Variants in ERICH1 observed in about 807,000 individuals in gnomAD.
ERICH1 encodes glutamate-rich protein 1.
In ERICH1, 56 loss-of-function variants were observed where a neutral mutation model predicts 39.6. The ratio of observed to expected loss-of-function variants is 1.41; its 90% CI spans 1.14 to 1.77. ERICH1 has a LOEUF of 1.77. ERICH1 is among the 40% of genes most tolerant of loss of function. The pLI is 0.00. For missense variants in ERICH1, 826 were observed against 575.4 expected (o/e 1.44, Z -4.45); for synonymous variants, 313 against 223.6 (o/e 1.40, Z -3.57).
At chr8:620,529 T>C (rs1287145222) in intron 3 of ERICH1, among the ~76,000 whole-genome samples, 2 of 152,150 alleles carry the variant, frequency 1.3e-5, no homozygotes, top group Non-Finnish European at 2.9e-5. Context: ...TGACCTCCTA[T>C]AGAAAAAGTA....
At chr8:617,536 C>T (rs1357115941) in intron 3 of ERICH1, among the ~76,000 whole-genome samples, 1 of 152,066 alleles carries the variant, frequency 6.6e-6, no homozygotes, top group Non-Finnish European at 1.5e-5. Flanking sequence ...TCCTCACTGC[C>T]CTCTGAGTGC....
At chr8:694,771 G>A (rs977127624) in intron 2 of ERICH1, among the ~76,000 whole-genome samples, 4 of 152,192 alleles carry the variant, frequency 2.6e-5, no homozygotes, top group Admixed American at 6.5e-5. Context: ...GGACACTTAC[G>A]CCTTGCACAA....
intron 2 of ERICH1, among the ~76,000 whole-genome samples, chr8:699,675 G>A (rs1277185394): frequency 2.0e-5 from 3 of 150,144 alleles, no homozygotes; most frequent in Non-Finnish European, 2.9e-5. Flanking sequence ...GTACAGACCC[G>A]CACACGTGCA....
At chr8:668,119 G>C (rs1802561488) in intron 5 of ERICH1, 1 of 216,480 alleles carries the variant, frequency 4.6e-6, no homozygotes, top group South Asian at 7.1e-5. Flanking sequence ...ACCGCACACG[G>C]CATTGGGAAG....
intron 3 of ERICH1, among the ~76,000 whole-genome samples, chr8:691,445 G>C (rs1453904158): frequency 6.6e-6 from 1 of 152,258 alleles, no homozygotes; most frequent in East Asian, 1.9e-4. Context: ...TGAGCAGCAT[G>C]GACAACGCGG....
chr8:731,136 C>G lies in ERICH1; in HGVS notation c.22+4G>C. ...GGGCAGGCCTCCGCACCGCACCCAC[C>G]TACCGTGCTTCCTGTGCGCCGCCAT... is the stretch of plus-strand genomic sequence containing the variant. On this transcript the variant is annotated splice_donor_region_variant and intron_variant, in intron 1 of 5. Coordinates refer to ENST00000262109, the MANE Select transcript of ERICH1 (RefSeq NM_207332.3). The G allele has an allele frequency of 1.3e-6, 2 of 1,525,332 alleles. No individual in the cohort carries two copies. The highest frequency in any genetic ancestry group is 1.8e-6 in the Non-Finnish European group (2 of 1,139,058). The allele number at this position is 1,525,332 out of a possible 1,614,324, so 94.5% of individuals were successfully genotyped here.
At chr8:700,498 G>A (rs1281164970) in intron 2 of ERICH1, among the ~76,000 whole-genome samples, 1 of 131,082 alleles carries the variant, frequency 7.6e-6, no homozygotes, top group Non-Finnish European at 1.7e-5. Flanking sequence ...GCCCGCACAC[G>A]CGCACAGGCC....
At chr8:660,022 C>G (rs1488662306), downstream of ERICH1, among the ~76,000 whole-genome samples, 1 of 152,252 alleles carries the variant, frequency 6.6e-6, no homozygotes, top group East Asian at 1.9e-4. Flanking sequence ...AGCCCCTCAT[C>G]AACTCACTGT....
At chr8:615,222 G>C in exon 4 of ERICH1, 1 of 688,676 alleles carries the variant, frequency 1.5e-6, no homozygotes, top group Non-Finnish European at 2.6e-6. Flanking sequence ...ACCACAGCTG[G>C]TTAAGGCAGC....
chr8:693,152 G>C (rs1440744455), intron 2 of ERICH1, among the ~76,000 whole-genome samples: 2 of 151,524 alleles, frequency 1.3e-5, no homozygotes, highest in African/African-American at 4.8e-5. Context: ...AACAGACACA[G>C]AGACACCATG....
Position 673,758 on chromosome 8 carries a change from T to TA in ERICH1, c.593_594insT (p.Glu198AspfsTer10). On this transcript the variant is annotated frameshift_variant, in exon 4 of 6. Transcript: ENST00000262109. LOFTEE classifies it high-confidence loss of function. ...CACAAGCCTCTCCCACGCCTTCCCC[T>TA]TCATTGCTGCTGTCCTCGGGCTGGT... is the stretch of plus-strand genomic sequence containing the variant. 1 of 1,613,978 alleles carries TA rather than the reference T, an allele frequency of 6.2e-7. No homozygotes were observed. The highest frequency in any genetic ancestry group is 8.5e-7 in the Non-Finnish European group (1 of 1,180,012).
chr8:623,687 T>C (rs913357596), intron 3 of ERICH1, among the ~76,000 whole-genome samples: 5 of 152,188 alleles, frequency 3.3e-5, no homozygotes, highest in African/African-American at 9.7e-5. Context: ...CTGGAACAAG[T>C]GGACTTCATG....
At chr8:715,830 G>C in intron 2 of ERICH1, 31 bp downstream of exon 2, 2 of 1,585,246 alleles carry the variant, frequency 1.3e-6, no homozygotes, top group Non-Finnish European at 1.7e-6. Context: ...TTCAGTTTCT[G>C]AGACCCACCC....
chr8:731,047 AGGGGCC>A, intron 1 of ERICH1, 87 bp downstream of exon 1: 1 of 1,305,276 alleles, frequency 7.7e-7, no homozygotes, highest in Non-Finnish European at 9.8e-7. Flanking sequence ...GGGCCTGGAA[AGGGGCC>A]GGGGTCGGGG....
intron 1 of ERICH1, among the ~76,000 whole-genome samples, chr8:724,285 G>A (rs547437836): frequency 6.6e-6 from 1 of 152,094 alleles, no homozygotes; most frequent in Non-Finnish European, 1.5e-5. Context: ...GAACCAGCCC[G>A]GACAACATAG....
intron 3 of ERICH1, among the ~76,000 whole-genome samples, chr8:689,591 G>A (rs1336691597): frequency 6.6e-6 from 1 of 152,194 alleles, no homozygotes; most frequent in Non-Finnish European, 1.5e-5. Context: ...CCAGCACTGT[G>A]TGCCACTGGA....
chr8:726,772 TACACATAC>T (rs975335829), intron 1 of ERICH1, among the ~76,000 whole-genome samples: 4 of 149,124 alleles, frequency 2.7e-5, no homozygotes, highest in Admixed American at 1.3e-4. Flanking sequence ...CAGACACATG[TACACATAC>T]ACACATACAT....
intron 1 of ERICH1, among the ~76,000 whole-genome samples, chr8:717,773 G>A (rs574093950): frequency 2.6e-5 from 4 of 152,230 alleles, no homozygotes; most frequent in Non-Finnish European, 5.9e-5. Context: ...AGCTGCCTGC[G>A]AGTGTCTGGA....
At chr8:655,944 C>CA (rs1300272122) in intron 3 of ERICH1, among the ~76,000 whole-genome samples, 2 of 152,108 alleles carry the variant, frequency 1.3e-5, no homozygotes, top group Admixed American at 1.3e-4. Context: ...CACCCAATCG[C>CA]AACAGGTCCC....
Sources: gnomAD v4.1 joint callset for allele counts (sites outside exome capture counted in the v4.1 genomes callset) on GRCh38, gnomAD v4.1.1 for gene constraint, MANE v1.5 for transcripts, NCBI Gene and HGNC (gene_info 2026-07-23, HGNC 2026-07-21) for gene names.